Variants in KIT observed in about 807,000 individuals in gnomAD.
KIT encodes mast/stem cell growth factor receptor Kit.
In KIT, 16 loss-of-function variants were observed where a neutral mutation model predicts 105.7. The ratio of observed to expected loss-of-function variants is 0.15; its 90% CI spans 0.10 to 0.23. The LOEUF (loss-of-function observed/expected upper bound fraction) is 0.23. KIT is among the 10% of genes least tolerant of loss of function. The pLI is 1.00. For synonymous variants in KIT, 438 were observed against 441.1 expected (o/e 0.99, Z 0.09); for missense variants, 858 against 1,213.8 (o/e 0.71, Z 4.36).
intron 13 of KIT, among the ~76,000 whole-genome samples, chr4:54,728,451 G>C (rs998798487): frequency 3.3e-5 from 5 of 152,150 alleles, no homozygotes; most frequent in African/African-American, 1.2e-4. Flanking sequence ...TGTAGCCACT[G>C]AAAGGGTTAA....
intron 1 of KIT, among the ~76,000 whole-genome samples, chr4:54,669,125 A>G (rs766064282): frequency 2.0e-5 from 3 of 152,122 alleles, no homozygotes; most frequent in Admixed American, 6.5e-5. Flanking sequence ...TTCTCTACTT[A>G]TTTTAGTATA....
intron 6 of KIT, among the ~76,000 whole-genome samples, chr4:54,708,653 GAGCCAGC>G (rs1379556954): frequency 1.3e-5 from 2 of 152,216 alleles, no homozygotes; most frequent in South Asian, 4.1e-4. Context: ...TGAAGGTTGT[GAGCCAGC>G]AGCCAGCAGC....
chr4:54,728,709 A>G (rs1252536780), intron 13 of KIT, among the ~76,000 whole-genome samples: 1 of 152,208 alleles, frequency 6.6e-6, no homozygotes, highest in Non-Finnish European at 1.5e-5. Context: ...ATGTCTTCCA[A>G]TAATCCCCAT....
chr4:54,731,207 C>A, intron 14 of KIT, 121 bp from the exon 15 acceptor site: 1 of 754,578 alleles, frequency 1.3e-6, no homozygotes, highest in Non-Finnish European at 2.4e-6. Flanking sequence ...CTTTACATGA[C>A]TTTCCTCAAA....
chr4:54,658,079 C>T lies in KIT; in HGVS notation c.65C>T (p.Thr22Ile), dbSNP rs769943127. The change falls in exon 1 of 21, where the codon ACA (threonine) becomes ATA (isoleucine). Residue 22 changes from threonine (T) to isoleucine (I), a missense_variant and splice_region_variant. Coordinates refer to ENST00000288135, the MANE Select transcript of KIT (RefSeq NM_000222.3). ...CTGCTCCTACTGCTTCGCGTCCAGA[C>T]AGGTGGGACACCGCGGCTGGCACCC... ...CVLLLLLRVQ[T>I]GSSQPSVSPG... 4.3e-6 allele frequency: 7 copies of T among 1,613,728 alleles called. No homozygotes were observed. Among genetic ancestry groups the T allele is most frequent in the Non-Finnish European group, 5.9e-6 (7 of 1,179,870 alleles).
intron 1 of KIT, among the ~76,000 whole-genome samples, chr4:54,664,801 T>C (rs191236746): frequency 2.6e-5 from 4 of 151,088 alleles, no homozygotes; most frequent in Non-Finnish European, 5.9e-5. Flanking sequence ...TTGTAGAGAA[T>C]AGTCTCGAAC....
Position 54,658,171 on chromosome 4 carries a change from A to G in KIT, c.67+90A>G, listed in dbSNP as rs72550821. The G allele has an allele frequency of 8.0e-3, 10,608 of 1,330,778 alleles. 606 individuals are homozygous for G. The African/African-American group carries it at 0.13, about 16-fold the overall frequency. 82.4% of individuals were successfully genotyped at this position (1,330,778 alleles called of 1,614,324 possible). A position where few individuals can be genotyped will look rare whatever the true frequency, so the allele number is the denominator to read the frequency against. ...GGTACCCGCCAGGGTGCATCCGGAG[A>G]GAGGACTGCGGGCCCTCAGTGCCCG... On this transcript the variant is annotated intron_variant, in intron 1 of 20. Coordinates refer to ENST00000288135, the MANE Select transcript of KIT (RefSeq NM_000222.3).
chr4:54,668,199 G>T (rs902259266), intron 1 of KIT, among the ~76,000 whole-genome samples: 26 of 152,240 alleles, frequency 1.7e-4, no homozygotes, highest in African/African-American at 5.5e-4. Context: ...ACTGGTGGCT[G>T]CCCTCCCCAA....
chr4:54,680,168 A>G (rs568247288), intron 1 of KIT, among the ~76,000 whole-genome samples: 5 of 152,278 alleles, frequency 3.3e-5, no homozygotes, highest in East Asian at 3.9e-4. Flanking sequence ...TATGTCATGT[A>G]TATTTTACCA....
chr4:54,679,883 C>T (rs1718778766), intron 1 of KIT, among the ~76,000 whole-genome samples: 1 of 152,064 alleles, frequency 6.6e-6, no homozygotes, highest in South Asian at 2.1e-4. Flanking sequence ...ACCTTGCAGA[C>T]CTTATATTGA....
chr4:54,721,823 C>T (rs1289030407), intron 7 of KIT, among the ~76,000 whole-genome samples: 1 of 152,106 alleles, frequency 6.6e-6, no homozygotes, highest in Non-Finnish European at 1.5e-5. Flanking sequence ...TGTTGAATTC[C>T]CTGCGCATTG....
At chr4:54,716,451 T>C (rs965008827) in intron 7 of KIT, among the ~76,000 whole-genome samples, 2 of 152,242 alleles carry the variant, frequency 1.3e-5, no homozygotes, top group African/African-American at 2.4e-5. Context: ...TTACTTTTTA[T>C]GTTTATTTAC....
chr4:54,687,153 C>T lies in KIT; in HGVS notation c.68-8359C>T, dbSNP rs570745610. ...TGAAAGACTGTTTAAAATTATTTAC[C>T]ACTGAGTGAAATCAACCTTCAAGAA... On this transcript the variant is annotated intron_variant, in intron 1 of 20. Coordinates refer to ENST00000288135, the MANE Select transcript of KIT (RefSeq NM_000222.3). Among the ~76,000 whole-genome samples, 22 of 152,052 alleles carry T rather than the reference C, an allele frequency of 1.4e-4. No individual in the cohort carries two copies. In the South Asian group the frequency reaches 3.5e-3, roughly 24 times the overall value.
At chr4:54,714,028 A>G (rs1365386952) in intron 7 of KIT, among the ~76,000 whole-genome samples, 1 of 152,160 alleles carries the variant, frequency 6.6e-6, no homozygotes, top group Non-Finnish European at 1.5e-5. Flanking sequence ...AACAAAGCAA[A>G]ACCAAAAATT....
At chr4:54,683,852 G>A (rs571211756) in intron 1 of KIT, among the ~76,000 whole-genome samples, 1 of 152,188 alleles carries the variant, frequency 6.6e-6, no homozygotes. Context: ...AATGAGTCAA[G>A]GTGAGGGTTG....
intron 5 of KIT, 79 bp from the exon 6 acceptor site, chr4:54,707,019 A>T: frequency 2.6e-6 from 2 of 780,684 alleles, no homozygotes; most frequent in Non-Finnish European, 4.3e-6. Context: ...TTGTTTTTGT[A>T]ATTCCAAGAT....
chr4:54,727,438 G>A lies in KIT; in HGVS notation c.1670G>A (p.Trp557Ter), dbSNP rs1057520032. The A allele has an allele frequency of 3.7e-6, 6 of 1,614,082 alleles. No individual in the cohort carries two copies. Among genetic ancestry groups the A allele is most frequent in the Non-Finnish European group, 5.1e-6 (6 of 1,179,998 alleles). The change falls in exon 11 of 21, where the codon TGG becomes TAG. Residue 557 changes from tryptophan to a stop codon, truncating the protein, a stop_gained. Coordinates refer to ENST00000288135, the MANE Select transcript of KIT (RefSeq NM_000222.3). LOFTEE classifies it high-confidence loss of function. The part of the protein sequence containing the change: ...YLQKPMYEVQ[W>*]KVVEEINGNN... ...CAGAAACCCATGTATGAAGTACAGT[G>A]GAAGGTTGTTGAGGAGATAAATGGA...
chr4:54,672,081 T>C (rs1718146536), intron 1 of KIT, among the ~76,000 whole-genome samples: 1 of 152,148 alleles, frequency 6.6e-6, no homozygotes, highest in African/African-American at 2.4e-5. Context: ...TATAAACAAA[T>C]GTATGCACAT....
At chr4:54,683,949 G>T (rs1020574819) in intron 1 of KIT, among the ~76,000 whole-genome samples, 1 of 152,156 alleles carries the variant, frequency 6.6e-6, no homozygotes, top group South Asian at 2.1e-4. Context: ...TGTCTGATTT[G>T]CCCAGAGATC....
Sources: gnomAD v4.1 joint callset for allele counts (sites outside exome capture counted in the v4.1 genomes callset) on GRCh38, gnomAD v4.1.1 for gene constraint, MANE v1.5 for transcripts, NCBI Gene and HGNC (gene_info 2026-07-23, HGNC 2026-07-21) for gene names.